Variants in MYO1D observed in about 807,000 individuals in gnomAD.
MYO1D encodes the protein unconventional myosin-Id.
MYO1D carries 83 observed loss-of-function variants against 122.0 expected under a neutral mutation model. That is an observed-to-expected ratio of 0.68 (90% CI 0.57 to 0.82). MYO1D has a LOEUF of 0.82. Ranked by LOEUF, MYO1D falls within the 40% of genes least tolerant of loss-of-function variation. The pLI is 0.00. For missense variants in MYO1D, 1,157 were observed against 1,269.5 expected, an observed-to-expected ratio of 0.91 and a Z score of 1.35; for synonymous variants, 464 against 446.9, an observed-to-expected ratio of 1.04 and a Z score of -0.48.
At chr17:32,571,539 G>A (rs2087227991) in intron 21 of MYO1D, among the ~76,000 whole-genome samples, 1 of 152,156 alleles carries the variant, frequency 6.6e-6, no homozygotes, top group Admixed American at 6.5e-5. Flanking sequence ...AGGTAGCAGA[G>A]GACCGAGAAT....
At chr17:32,634,968 C>A (rs1159515548) in intron 20 of MYO1D, among the ~76,000 whole-genome samples, 1 of 152,162 alleles carries the variant, frequency 6.6e-6, no homozygotes, top group African/African-American at 2.4e-5. Flanking sequence ...AGTTATACCC[C>A]AAAATGAATA....
intron 16 of MYO1D, among the ~76,000 whole-genome samples, chr17:32,693,794 A>G (rs1349608901): frequency 6.6e-6 from 1 of 152,170 alleles, no homozygotes; most frequent in Non-Finnish European, 1.5e-5. Flanking sequence ...GAAACAAATT[A>G]TTTTTGACAT....
At chr17:32,688,068 T>G (rs1025611116) in intron 16 of MYO1D, among the ~76,000 whole-genome samples, 5 of 152,186 alleles carry the variant, frequency 3.3e-5, no homozygotes, top group African/African-American at 1.2e-4. Flanking sequence ...TTATAAGTCA[T>G]CTATTTGAGA....
intron 21 of MYO1D, chr17:32,496,873 G>A (rs889411363): frequency 6.6e-6 from 1 of 152,324 alleles, no homozygotes; most frequent in Non-Finnish European, 1.5e-5. Flanking sequence ...CAGTCTGAGG[G>A]AATGGGCTCT....
At chr17:32,713,947 T>C (rs11650840) in intron 15 of MYO1D, among the ~76,000 whole-genome samples, 65,692 of 151,850 alleles carry the variant, frequency 0.43, 14,816 homozygotes, top group East Asian at 0.73. Flanking sequence ...TTATATGGTG[T>C]TGAGTTGTCC....
chr17:32,558,576 T>C (rs1466473367), intron 21 of MYO1D, among the ~76,000 whole-genome samples: 2 of 152,178 alleles, frequency 1.3e-5, no homozygotes, highest in Non-Finnish European at 2.9e-5. Flanking sequence ...AAATGTTCTT[T>C]CTTTTCAAGA....
chr17:32,697,482 C>A (rs1223770708), intron 16 of MYO1D, among the ~76,000 whole-genome samples: 1 of 152,150 alleles, frequency 6.6e-6, no homozygotes, highest in Non-Finnish European at 1.5e-5. Flanking sequence ...GCATTGGGGG[C>A]AACCTCTTTC....
chr17:32,724,460 G>C (rs1463254752), intron 14 of MYO1D, among the ~76,000 whole-genome samples: 1 of 152,240 alleles, frequency 6.6e-6, no homozygotes, highest in Non-Finnish European at 1.5e-5. Context: ...ACGTTTGCCA[G>C]AAGACATGGG....
intron 1 of MYO1D, among the ~76,000 whole-genome samples, chr17:32,875,049 C>A (rs1482943883): frequency 6.6e-6 from 1 of 152,200 alleles, no homozygotes; most frequent in Non-Finnish European, 1.5e-5. Context: ...AAAGCTCTGG[C>A]TAAGCCCATG....
intron 13 of MYO1D, among the ~76,000 whole-genome samples, chr17:32,739,128 G>A (rs1228225916): frequency 1.3e-5 from 2 of 151,786 alleles, no homozygotes; most frequent in African/African-American, 4.8e-5. Context: ...TTTTTTTTCT[G>A]GTTTCATTTT....
chr17:32,698,286 C>T (rs1005369597), intron 16 of MYO1D, among the ~76,000 whole-genome samples: 8 of 137,682 alleles, frequency 5.8e-5, no homozygotes, highest in African/African-American at 2.2e-4. Flanking sequence ...TCCTTCCTCC[C>T]TCCCTTCCCC....
At chr17:32,751,861 C>G (rs1478474239) in intron 11 of MYO1D, among the ~76,000 whole-genome samples, 1 of 152,118 alleles carries the variant, frequency 6.6e-6, no homozygotes, top group African/African-American at 2.4e-5. Context: ...CCAAAGCAAT[C>G]TAAAAATTCA....
chr17:32,872,561 A>G (rs1232417477), intron 1 of MYO1D, among the ~76,000 whole-genome samples: 1 of 151,742 alleles, frequency 6.6e-6, no homozygotes, highest in African/African-American at 2.4e-5. Flanking sequence ...GGCGTGAGCC[A>G]CCGCGCCCGG....
intron 21 of MYO1D, among the ~76,000 whole-genome samples, chr17:32,603,183 G>A (rs1001580360): frequency 4.6e-5 from 7 of 151,970 alleles, no homozygotes; most frequent in African/African-American, 1.2e-4. Context: ...GAGGACATAC[G>A]CCTAGAAATG....
intron 14 of MYO1D, among the ~76,000 whole-genome samples, chr17:32,737,519 C>A (rs2151002214): frequency 6.6e-6 from 1 of 152,202 alleles, no homozygotes; most frequent in African/African-American, 2.4e-5. Flanking sequence ...TGCCACCATG[C>A]CTGGCTAATT....
At chr17:32,675,516 T>C (rs1048671875) in intron 16 of MYO1D, among the ~76,000 whole-genome samples, 2 of 152,130 alleles carry the variant, frequency 1.3e-5, no homozygotes, top group Non-Finnish European at 2.9e-5. Flanking sequence ...ATAATAACAA[T>C]CAAGTCAGAA....
chr17:32,804,971 T>G (rs2090497674), intron 1 of MYO1D, among the ~76,000 whole-genome samples: 1 of 152,186 alleles, frequency 6.6e-6, no homozygotes, highest in Admixed American at 6.5e-5. Flanking sequence ...AGTGTCATAT[T>G]TAAGGGTATT....
At chr17:32,840,198 G>C (rs1286122580) in intron 1 of MYO1D, among the ~76,000 whole-genome samples, 1 of 152,190 alleles carries the variant, frequency 6.6e-6, no homozygotes, top group Non-Finnish European at 1.5e-5. Context: ...AAAAAGCCCA[G>C]GGTGTTACTG....
At chr17:32,647,934 C>G (rs1034856289) in intron 19 of MYO1D, among the ~76,000 whole-genome samples, 2 of 152,196 alleles carry the variant, frequency 1.3e-5, no homozygotes, top group African/African-American at 4.8e-5. Context: ...ACACTGAGGA[C>G]TGGGCACGAT....
Sources: allele counts gnomAD v4.1 joint callset (sites outside exome capture counted in the v4.1 genomes callset), GRCh38; gene constraint gnomAD v4.1.1; transcripts MANE v1.5; gene names NCBI Gene and HGNC (gene_info 2026-07-23, HGNC 2026-07-21).